GNAQ: variants seen among roughly 807,000 people sequenced by gnomAD.
The protein encoded by GNAQ is guanine nucleotide-binding protein G(q) subunit alpha.
Under a neutral mutation model 43.9 loss-of-function variants are expected in GNAQ, and 8 were observed. The ratio of observed to expected loss-of-function variants is 0.18; its 90% CI spans 0.11 to 0.33. The LOEUF is 0.33. Among genes scored for constraint, GNAQ ranks in the 10% least tolerant of loss-of-function variants. The pLI is 1.00. For missense variants in GNAQ, 158 were observed against 450.8 expected, an observed-to-expected ratio of 0.35 and a Z score of 5.88; for synonymous variants, 155 against 170.7, an observed-to-expected ratio of 0.91 and a Z score of 0.71.
chr9:77,781,429 A>G (rs1212293319), intron 5 of GNAQ, among the ~76,000 whole-genome samples: 3 of 152,116 alleles, frequency 2.0e-5, no homozygotes, highest in Admixed American at 2.0e-4. Flanking sequence ...CACTTCTGTC[A>G]AAGATTTAAG....
In GNAQ at chr9:77,852,100, A is replaced by G. The variant is rs145928327; in HGVS notation, c.322-36330T>C. Among the ~76,000 whole-genome samples the G allele has an allele frequency of 5.7e-3, 861 of 152,298 alleles. 7 individuals carry two copies. Among genetic ancestry groups the G allele is most frequent in the African/African-American group, 0.019 (777 of 41,560 alleles). On this transcript the variant is annotated intron_variant, in intron 2 of 6. Transcript: ENST00000286548. ...GAGTTCACACTTGATGAAAAAGAAC[A>G]TGAAAGAGGAAAGAGCCCAAATTTC...
intron 1 of GNAQ, among the ~76,000 whole-genome samples, chr9:77,975,536 CTTTTT>C (rs34636918): frequency 8.7e-6 from 1 of 115,272 alleles, no homozygotes; most frequent in Non-Finnish European, 1.7e-5. Context: ...TCAGCCCCCC[CTTTTT>C]TTTTTTTTTT....
chr9:77,784,264 T>C (rs1215312266), intron 5 of GNAQ, among the ~76,000 whole-genome samples: 1 of 152,190 alleles, frequency 6.6e-6, no homozygotes, highest in African/African-American at 2.4e-5. Flanking sequence ...TCACACAGTG[T>C]ATACAATTTA....
intron 2 of GNAQ, among the ~76,000 whole-genome samples, chr9:77,887,579 C>A (rs1294048107): frequency 6.6e-6 from 1 of 152,184 alleles, no homozygotes; most frequent in East Asian, 1.9e-4. Context: ...ACCAGATAAA[C>A]TGTGGGCATT....
chr9:77,743,435 G>A (rs1396586722), intron 5 of GNAQ, among the ~76,000 whole-genome samples: 1 of 152,190 alleles, frequency 6.6e-6, no homozygotes, highest in African/African-American at 2.4e-5. Context: ...ACTTACAAGT[G>A]TCTTGAAGAG....
At chr9:77,990,404 G>C (rs1392932117) in intron 1 of GNAQ, among the ~76,000 whole-genome samples, 2 of 151,974 alleles carry the variant, frequency 1.3e-5, no homozygotes, top group Non-Finnish European at 2.9e-5. Flanking sequence ...AAATTTTTTT[G>C]TAGAGACAAG....
intron 2 of GNAQ, among the ~76,000 whole-genome samples, chr9:77,902,274 C>A (rs1405297556): frequency 6.6e-6 from 1 of 152,170 alleles, no homozygotes; most frequent in South Asian, 2.1e-4. Flanking sequence ...CACTTGTTAT[C>A]ATAATAATTA....
intron 2 of GNAQ, among the ~76,000 whole-genome samples, chr9:77,837,243 A>C (rs1159165717): frequency 6.6e-6 from 1 of 152,142 alleles, no homozygotes; most frequent in Non-Finnish European, 1.5e-5. Flanking sequence ...CAGAAGTGGA[A>C]TTCTGAGTGA....
At chr9:77,912,907 G>A (rs1828832008) in intron 2 of GNAQ, among the ~76,000 whole-genome samples, 1 of 152,166 alleles carries the variant, frequency 6.6e-6, no homozygotes, top group Non-Finnish European at 1.5e-5. Context: ...CAGCTGTGGT[G>A]AAAGGACTGC....
In GNAQ at chr9:77,994,086, A is replaced by G. The variant is rs562223046; in HGVS notation, c.136+37014T>C. ...GGCTGGAGTGTAGTGGCACGATCAT[A>G]GCTCACTGCAGCTTTGATCTCCTGG... On this transcript the variant is annotated intron_variant, in intron 1 of 6. Coordinates refer to ENST00000286548, the MANE Select transcript of GNAQ (RefSeq NM_002072.5). Among the ~76,000 whole-genome samples, 176 of 152,282 alleles carry G rather than the reference A, an allele frequency of 1.2e-3. 2 individuals carry two copies. Among genetic ancestry groups the G allele is most frequent in the African/African-American group, 4.0e-3 (167 of 41,552 alleles).
At chr9:77,735,834 A>G (rs1054318029) in intron 5 of GNAQ, among the ~76,000 whole-genome samples, 1 of 152,178 alleles carries the variant, frequency 6.6e-6, no homozygotes, top group African/African-American at 2.4e-5. Flanking sequence ...CTCAGTGGAA[A>G]CATGGCTCTG....
chr9:77,989,977 A>G (rs1295458137), intron 1 of GNAQ, among the ~76,000 whole-genome samples: 1 of 152,162 alleles, frequency 6.6e-6, no homozygotes, highest in Non-Finnish European at 1.5e-5. Flanking sequence ...TCATAAATGA[A>G]CTGACTGAAG....
chr9:77,975,781 C>T (rs995147667), intron 1 of GNAQ, among the ~76,000 whole-genome samples: 3 of 152,118 alleles, frequency 2.0e-5, no homozygotes, highest in Admixed American at 2.0e-4. Flanking sequence ...CATGATCCAC[C>T]CGCCTCAGCC....
chr9:77,747,551 A>G (rs1564098263), intron 5 of GNAQ, among the ~76,000 whole-genome samples: 1 of 152,196 alleles, frequency 6.6e-6, no homozygotes, highest in Non-Finnish European at 1.5e-5. Context: ...ACATCAGTTT[A>G]TAAGATTAGC....
At chr9:77,801,109 C>G (rs969433893) in intron 3 of GNAQ, among the ~76,000 whole-genome samples, 6 of 152,108 alleles carry the variant, frequency 3.9e-5, no homozygotes, top group African/African-American at 1.2e-4. Flanking sequence ...TTACTCATTG[C>G]CACTCCATAG....
chr9:77,732,956 G>A (rs926485727), intron 5 of GNAQ, among the ~76,000 whole-genome samples: 3 of 152,188 alleles, frequency 2.0e-5, no homozygotes, highest in African/African-American at 7.2e-5. Flanking sequence ...AGGACAGGCT[G>A]TAAGCTAGTG....
chr9:77,769,035 G>A (rs1321175664), intron 5 of GNAQ, among the ~76,000 whole-genome samples: 1 of 152,156 alleles, frequency 6.6e-6, no homozygotes, highest in Non-Finnish European at 1.5e-5. Flanking sequence ...GGAAGACAGA[G>A]GGCAAGGTAA....
intron 1 of GNAQ, among the ~76,000 whole-genome samples, chr9:77,991,484 T>G (rs900282509): frequency 7.9e-5 from 12 of 152,230 alleles, no homozygotes; most frequent in African/African-American, 2.9e-4. Flanking sequence ...AGATTGTCTT[T>G]TCTAATATTC....
At chr9:77,908,391 TTCTTGGATCATAGCCTCTTGTATG>T in intron 2 of GNAQ, among the ~76,000 whole-genome samples, 1 of 152,198 alleles carries the variant, frequency 6.6e-6, no homozygotes. Flanking sequence ...CCAAGTCTCA[TTCTTGGATCATAGCCTCTTGTATG>T]TCTTTAAACA....
Sources: gnomAD v4.1 joint callset for allele counts (sites outside exome capture counted in the v4.1 genomes callset) on GRCh38, gnomAD v4.1.1 for gene constraint, MANE v1.5 for transcripts, NCBI Gene and HGNC (gene_info 2026-07-23, HGNC 2026-07-21) for gene names.